TNN: variants seen among roughly 807,000 people sequenced by gnomAD.
The protein encoded by TNN is tenascin N.
TNN carries 122 observed loss-of-function variants against 134.4 expected under a neutral mutation model. That is an observed-to-expected ratio of 0.91 (90% CI 0.78 to 1.06). TNN has a LOEUF of 1.06. Among genes scored for constraint, TNN ranks in the 50% least tolerant of loss-of-function variants. The probability of loss-of-function intolerance (pLI) is 0.00; values close to 1 mark genes in which losing one functional copy is unlikely to be tolerated. For synonymous variants in TNN, 710 were observed against 670.3 expected (o/e 1.06, Z -0.91); for missense variants, 1,739 against 1,699.4 (o/e 1.02, Z -0.41).
chr1:175,127,996 AGT>A, intron 13 of TNN, 34 bp from the exon 14 acceptor site: 1 of 1,613,600 alleles, frequency 6.2e-7, no homozygotes, highest in African/African-American at 1.3e-5. Flanking sequence ...TGATAAACTG[AGT>A]CACTGGCTGT....
Position 175,097,526 on chromosome 1 carries a change from C to A in TNN, c.1698C>A (p.Thr566=), listed in dbSNP as rs769759715. 1 of 1,614,212 alleles carries A rather than the reference C, an allele frequency of 6.2e-7. No homozygotes were observed. The highest frequency in any genetic ancestry group is 2.2e-5 in the East Asian group (1 of 44,884). Residue 566 remains threonine (T), a synonymous_variant, in exon 8 of 19, where the codon ACC becomes ACA. Coordinates refer to ENST00000239462, the MANE Select transcript of TNN (RefSeq NM_022093.2). ...TTGACAAGTACGTGGTGCGCTACAC[C>A]TCTGCTGACGACCAAGAGACCAGAG... ...ATIDKYVVRY[T]SADDQETREV... is the part of the protein sequence containing the mutation.
At chr1:175,111,216 G>C (rs1267788505) in intron 9 of TNN, among the ~76,000 whole-genome samples, 1 of 152,174 alleles carries the variant, frequency 6.6e-6, no homozygotes, top group African/African-American at 2.4e-5. Flanking sequence ...TACTTGGGAG[G>C]CTGAGGCAGG....
At chr1:175,144,684 A>G in intron 18 of TNN, 134 bp downstream of exon 18, 1 of 982,364 alleles carries the variant, frequency 1.0e-6, no homozygotes, top group Non-Finnish European at 1.5e-6. Flanking sequence ...CTTCTCCTCC[A>G]GGCTCCATGG....
chr1:175,094,404 T>A (rs921888150), intron 7 of TNN, 151 bp downstream of exon 7: 1 of 632,942 alleles, frequency 1.6e-6, no homozygotes, highest in African/African-American at 1.9e-5. Context: ...TTCATAATTA[T>A]ATATATTTTT....
intron 6 of TNN, among the ~76,000 whole-genome samples, chr1:175,087,604 A>C (rs1674347328): frequency 1.3e-5 from 2 of 152,314 alleles, no homozygotes; most frequent in South Asian, 4.1e-4. Context: ...CACAGTCAAC[A>C]CAACACAGAA....
At position 175,117,137 on chromosome 1, in the gene TNN, A is replaced by G; in HGVS notation, c.2318A>G (p.Tyr773Cys). Residue 773 changes from tyrosine (Y) to cysteine (C), a missense_variant, in exon 10 of 19, where the codon TAC becomes TGC. Transcript: ENST00000239462. ...ACGGGCCTGAGGCCGGGTGTGGAGT[A>G]CACGGTGCACGTGTGGGCCCAGAAG... ...VLTGLRPGVE[Y>C]TVHVWAQKGA... The G allele has an allele frequency of 6.2e-7, 1 of 1,614,276 alleles. No homozygotes were observed. The highest frequency in any genetic ancestry group is 8.5e-7 in the Non-Finnish European group (1 of 1,180,048).
Position 175,117,027 on chromosome 1 carries a change from C to T in TNN, c.2208C>T (p.Asp736=), listed in dbSNP as rs1055991218. 1 of 1,614,180 alleles carries T rather than the reference C, an allele frequency of 6.2e-7. No individual in the cohort carries two copies. ...VSWDPVRATI[D]RYVVRYTSAK... ...GGGACCCGGTGCGGGCCACCATTGA[C>T]AGGTATGTGGTGCGCTACACCTCTG... Residue 736 remains aspartate (D), a synonymous_variant, in exon 10 of 19, where the codon GAC becomes GAT. Coordinates refer to ENST00000239462, the MANE Select transcript of TNN (RefSeq NM_022093.2).
chr1:175,079,549 A>G lies in TNN; in HGVS notation c.626A>G (p.His209Arg), dbSNP rs1018219188. Residue 209 changes from histidine to arginine, a missense_variant, in exon 3 of 19, where the codon CAC (histidine) becomes CGC (arginine). Physicochemically the swap from His to Arg is conservative, Grantham distance 29. Coordinates refer to ENST00000239462, the MANE Select transcript of TNN (RefSeq NM_022093.2). ...YPACPENCSG[H>R]GECVRGVCQC... ...GCCTGCCCTGAGAACTGCAGCGGAC[A>G]CGGCGAGTGCGTGCGCGGCGTGTGC... 7 of 1,571,468 alleles carry G rather than the reference A, an allele frequency of 4.5e-6. No homozygotes were observed. Among genetic ancestry groups the G allele is most frequent in the African/African-American group, 2.7e-5 (2 of 73,876 alleles).
At chr1:175,069,712 T>TAAATGAAGTG (rs2149423938) in intron 1 of TNN, among the ~76,000 whole-genome samples, 1 of 152,338 alleles carries the variant, frequency 6.6e-6, no homozygotes, top group East Asian at 1.9e-4. Flanking sequence ...TGCTAAGATC[T>TAAATGAAGTG]CAGGCCTGAT....
chr1:175,115,364 C>T (rs1244823813), intron 9 of TNN, among the ~76,000 whole-genome samples: 1 of 151,982 alleles, frequency 6.6e-6, no homozygotes, highest in Non-Finnish European at 1.5e-5. Flanking sequence ...TCAGCTCAGG[C>T]CCCTACGAGT....
At chr1:175,074,358 A>G (rs1673988729) in intron 1 of TNN, among the ~76,000 whole-genome samples, 1 of 151,964 alleles carries the variant, frequency 6.6e-6, no homozygotes, top group South Asian at 2.1e-4. Context: ...TGTGACATAT[A>G]CCTGTAGTCC....
At chr1:175,100,300 C>T (rs543924475) in intron 9 of TNN, among the ~76,000 whole-genome samples, 7 of 152,322 alleles carry the variant, frequency 4.6e-5, no homozygotes, top group African/African-American at 1.7e-4. Context: ...TGAGTTGTGA[C>T]AACCAAAAGT....
chr1:175,084,029 G>A, intron 5 of TNN, 94 bp downstream of exon 5: 1 of 1,306,446 alleles, frequency 7.7e-7, no homozygotes, highest in South Asian at 1.4e-5. Flanking sequence ...CTGCTCAAGT[G>A]TGCACAGACA....
intron 7 of TNN, among the ~76,000 whole-genome samples, chr1:175,095,797 C>T (rs948682306): frequency 1.3e-5 from 2 of 152,216 alleles, no homozygotes; most frequent in African/African-American, 2.4e-5. Flanking sequence ...TGGTCTCGAA[C>T]TCCTGAGCTC....
In TNN at chr1:175,085,391, CTGCT is replaced by C. The variant is rs775968770; in HGVS notation, c.1235-11_1235-8del. 28 of 1,580,712 alleles carry C rather than the reference CTGCT, an allele frequency of 1.8e-5. No homozygotes were observed. In the South Asian group the frequency reaches 3.1e-4, roughly 18 times the overall value. On this transcript the variant is annotated splice_polypyrimidine_tract_variant and intron_variant, in intron 5 of 18. Transcript: ENST00000239462. ...AGCCTGCACTCACATCCTGCGCTGCCTGCTTGTTTCCAGGTCTGCACCCGGGGAC... is the reference window on the plus strand; with the variant it reads ...AGCCTGCACTCACATCCTGCGCTGCCTGTTTCCAGGTCTGCACCCGGGGAC...
chr1:175,105,902 C>T (rs1275491408), intron 9 of TNN, among the ~76,000 whole-genome samples: 1 of 145,818 alleles, frequency 6.9e-6, no homozygotes, highest in Non-Finnish European at 1.5e-5. Flanking sequence ...GTTGCATTCA[C>T]CAATGCAGCA....
chr1:175,126,473 G>C (rs1260187185), intron 12 of TNN, among the ~76,000 whole-genome samples: 1 of 152,054 alleles, frequency 6.6e-6, no homozygotes, highest in Non-Finnish European at 1.5e-5. Context: ...CCTTCCTCAG[G>C]GCTGTATGTA....
Position 175,147,326 on chromosome 1 carries a change from T to C in TNN, c.*255T>C, listed in dbSNP as rs909420223. On this transcript the variant is annotated 3_prime_UTR_variant, in exon 19 of 19. Coordinates refer to ENST00000239462, the MANE Select transcript of TNN (RefSeq NM_022093.2). Reference sequence around the variant, plus strand: ...ACTGGAACGGCAAGGTTTCTCAGCTTATCTTCAGCAACATATATACTGGAT... The same window carrying C: ...ACTGGAACGGCAAGGTTTCTCAGCTCATCTTCAGCAACATATATACTGGAT... 2.8e-6 allele frequency: 1 copy of C among 356,430 alleles called. No individual in the cohort carries two copies. The allele number at this position is 356,430 out of a possible 1,614,324, so 22.1% of individuals were successfully genotyped here.
At position 175,146,124 on chromosome 1, in the gene TNN, C is replaced by T. The variant is rs145656161; in HGVS notation, c.3760-807C>T. Among the ~76,000 whole-genome samples the T allele has an allele frequency of 1.9e-3, 283 of 152,282 alleles. 2 individuals are homozygous for T. Among genetic ancestry groups the T allele is most frequent in the African/African-American group, 6.3e-3 (263 of 41,554 alleles). ...TTCAAAGGGAAGAAGAAATTTGCCC[C>T]CAGGGAAGCTGGGGAGGGTGGGCCC... On this transcript the variant is annotated intron_variant, in intron 18 of 18. Coordinates refer to ENST00000239462, the MANE Select transcript of TNN (RefSeq NM_022093.2).
Sources: gnomAD v4.1 joint callset for allele counts (sites outside exome capture counted in the v4.1 genomes callset) on GRCh38, gnomAD v4.1.1 for gene constraint, MANE v1.5 for transcripts, NCBI Gene and HGNC (gene_info 2026-07-23, HGNC 2026-07-21) for gene names.